Variants in LOXHD1 observed in about 807,000 individuals in gnomAD.
LOXHD1 encodes the protein lipoxygenase homology domain-containing protein 1.
A neutral mutation model predicts 248.2 loss-of-function variants in LOXHD1; 205 were observed. The observed-to-expected ratio is 0.83, with a 90% confidence interval of 0.74 to 0.93. The LOEUF (loss-of-function observed/expected upper bound fraction) is 0.93. Ranked by LOEUF, LOXHD1 falls within the 40% of genes least tolerant of loss-of-function variation. LOXHD1 has a pLI of 0.00. For missense variants in LOXHD1, 2,930 were observed against 2,971.6 expected (o/e 0.99, Z 0.33); for synonymous variants, 1,113 against 1,162.8 (o/e 0.96, Z 0.87).
intron 14 of LOXHD1, among the ~76,000 whole-genome samples, chr18:46,576,328 C>T (rs1243850352): frequency 6.6e-6 from 1 of 152,108 alleles, no homozygotes; most frequent in East Asian, 1.9e-4. Flanking sequence ...TCTTCCCCCA[C>T]ACCCCGCTTC....
chr18:46,545,003 C>T (rs2036735155), intron 23 of LOXHD1: 2 of 490,596 alleles, frequency 4.1e-6, no homozygotes, highest in East Asian at 5.8e-5. Context: ...AACAACTCTA[C>T]AATGCCTGGA....
chr18:46,599,634 C>G (rs1223417895), intron 8 of LOXHD1, among the ~76,000 whole-genome samples: 1 of 151,952 alleles, frequency 6.6e-6, no homozygotes, highest in Non-Finnish European at 1.5e-5. Context: ...CAAAGAACAT[C>G]ACAAACTATG....
chr18:46,524,567 C>A lies in LOXHD1; in HGVS notation c.4775G>T (p.Ser1592Ile). The change falls in exon 31 of 41, where the codon AGC becomes ATC. Residue 1592 changes from serine to isoleucine, a missense_variant. By Grantham distance (142) the Ser-to-Ile change is moderately radical. Transcript: ENST00000642948. ...GGCGATCTCCCAGAAGTCAGCAGGG[C>A]TGCTGCAGTTGCTGCTGCGGTCCCC... The part of the protein sequence containing the change: ...YTGDRSSNCS[S>I]PADFWEIALS... 6.4e-7 allele frequency: 1 copy of A among 1,551,754 alleles called. No homozygotes were observed. The highest frequency in any genetic ancestry group is 8.7e-7 in the Non-Finnish European group (1 of 1,147,006).
At chr18:46,573,854 G>A (rs2037803676) in intron 14 of LOXHD1, among the ~76,000 whole-genome samples, 1 of 152,162 alleles carries the variant, frequency 6.6e-6, no homozygotes, top group Non-Finnish European at 1.5e-5. Flanking sequence ...GGGCTTTGGT[G>A]CTGTGAATCT....
At chr18:46,635,336 C>CCCCCACAAT (rs1158089330) in intron 4 of LOXHD1, among the ~76,000 whole-genome samples, 1 of 152,054 alleles carries the variant, frequency 6.6e-6, no homozygotes, top group African/African-American at 2.4e-5. Flanking sequence ...TCCCAACTAA[C>CCCCCACAAT]CCCCACAATC....
intron 4 of LOXHD1, among the ~76,000 whole-genome samples, chr18:46,628,244 T>G (rs2038771613): frequency 6.6e-6 from 1 of 152,190 alleles, no homozygotes; most frequent in African/African-American, 2.4e-5. Flanking sequence ...GGGCCTCACT[T>G]AGAGTGGTTC....
intron 37 of LOXHD1, 69 bp from the exon 38 acceptor site, chr18:46,489,211 C>A: frequency 6.7e-7 from 1 of 1,488,064 alleles, no homozygotes; most frequent in Non-Finnish European, 9.2e-7. Flanking sequence ...CTTCTACATC[C>A]CCACAACCCA....
At chr18:46,590,176 G>T (rs984631205) in intron 12 of LOXHD1, among the ~76,000 whole-genome samples, 1 of 151,998 alleles carries the variant, frequency 6.6e-6, no homozygotes, top group East Asian at 1.9e-4. Context: ...AATTTGTTAG[G>T]CAAGCAGATC....
chr18:46,555,022 G>C (rs2037261419), intron 21 of LOXHD1: 1 of 380,776 alleles, frequency 2.6e-6, no homozygotes, highest in Admixed American at 3.0e-5. Flanking sequence ...TAATGAAGGG[G>C]GACAAGTACT....
In LOXHD1 at chr18:46,622,795, T is replaced by C. The variant is rs328186; in HGVS notation, c.512-4505A>G. ...TGGGCTGAGCCTGGCAGTCCACTGATAGAAGAGGCGGCGTGGTCTGGGGTT... is the reference window on the plus strand; with the variant it reads ...TGGGCTGAGCCTGGCAGTCCACTGACAGAAGAGGCGGCGTGGTCTGGGGTT... On this transcript the variant is annotated intron_variant, in intron 4 of 40. Transcript: ENST00000642948. Among the ~76,000 whole-genome samples, 1,083 of 152,342 alleles carry C rather than the reference T, an allele frequency of 7.1e-3. 4 individuals carry two copies. The highest frequency in any genetic ancestry group is 0.024 in the Middle Eastern group (7 of 294).
At chr18:46,560,044 C>CGCCTGCCGGGGG in intron 19 of LOXHD1, 39 bp downstream of exon 19, 1 of 1,245,524 alleles carries the variant, frequency 8.0e-7, no homozygotes. Flanking sequence ...AACTGTCTGG[C>CGCCTGCCGGGGG]CACTCCCTCC....
rs149777944 is a variant in LOXHD1, at chr18:46,567,497, G to A, written c.2245-1048C>T. On this transcript the variant is annotated intron_variant, in intron 16 of 40. Coordinates refer to ENST00000642948, the MANE Select transcript of LOXHD1 (RefSeq NM_001384474.1). ...TGTGTGCATGTCAAGGGACAGGGAA[G>A]AGTTTTGTTGTTCTTCTGTGGTGCC... is the stretch of plus-strand genomic sequence containing the variant. Among the ~76,000 whole-genome samples the A allele has an allele frequency of 4.0e-3, 613 of 152,340 alleles. 4 individuals carry two copies. The highest frequency in any genetic ancestry group is 3.6e-3 in the Non-Finnish European group (242 of 68,036).
intron 14 of LOXHD1, among the ~76,000 whole-genome samples, chr18:46,572,852 T>C (rs1450859246): frequency 4.0e-5 from 6 of 150,876 alleles, no homozygotes; most frequent in Admixed American, 2.6e-4. Flanking sequence ...TGAAACCCCG[T>C]CTCTACTGAA....
Position 46,657,103 on chromosome 18 carries a change from G to T in LOXHD1, c.-70C>A. ...CCTCCTCACACCTGCGGGAACCTGA[G>T]ACCTCCTCCCTGAGCTCTGGCGCCC... On this transcript the variant is annotated 5_prime_UTR_variant, in exon 1 of 41. Coordinates refer to ENST00000642948, the MANE Select transcript of LOXHD1 (RefSeq NM_001384474.1). 6.5e-7 allele frequency: 1 copy of T among 1,549,752 alleles called. No homozygotes were observed. Among genetic ancestry groups the T allele is most frequent in the Non-Finnish European group, 8.7e-7 (1 of 1,146,274 alleles).
chr18:46,571,277 G>C (rs545825834), intron 15 of LOXHD1, among the ~76,000 whole-genome samples: 1 of 152,056 alleles, frequency 6.6e-6, no homozygotes, highest in African/African-American at 2.4e-5. Context: ...AGACCAGCCT[G>C]GACAACATAA....
intron 6 of LOXHD1, among the ~76,000 whole-genome samples, chr18:46,605,076 T>G (rs562195287): frequency 6.6e-6 from 1 of 152,326 alleles, no homozygotes; most frequent in South Asian, 2.1e-4. Context: ...CAATCAAGCA[T>G]CTGGTAGCTT....
intron 1 of LOXHD1, among the ~76,000 whole-genome samples, chr18:46,653,339 TG>T (rs1244014188): frequency 6.6e-6 from 1 of 152,242 alleles, no homozygotes; most frequent in Admixed American, 6.5e-5. Flanking sequence ...AGGAGCATTC[TG>T]GGGGCTGGAA....
Position 46,604,101 on chromosome 18 carries a change from T to G in LOXHD1, c.883+5A>C, listed in dbSNP as rs1019362442. ...CAAAAGAGCCTCCCCTTTCTTCAAATCTACCTGTGGTCTCAGCTCCGCCCA... is the reference window on the plus strand; with the variant it reads ...CAAAAGAGCCTCCCCTTTCTTCAAAGCTACCTGTGGTCTCAGCTCCGCCCA... On this transcript the variant is annotated splice_donor_5th_base_variant and intron_variant, in intron 7 of 40. Coordinates refer to ENST00000642948, the MANE Select transcript of LOXHD1 (RefSeq NM_001384474.1). The G allele has an allele frequency of 2.6e-6, 4 of 1,551,602 alleles. No homozygotes were observed. In the East Asian group the frequency reaches 9.8e-5, roughly 38 times the overall value.
At chr18:46,497,496 G>C (rs1206835374) in intron 37 of LOXHD1, among the ~76,000 whole-genome samples, 1 of 152,108 alleles carries the variant, frequency 6.6e-6, no homozygotes, top group African/African-American at 2.4e-5. Flanking sequence ...GGCATTGGAG[G>C]ACTTAGTCAT....
Sources: gnomAD v4.1 joint callset for allele counts (sites outside exome capture counted in the v4.1 genomes callset) on GRCh38, gnomAD v4.1.1 for gene constraint, MANE v1.5 for transcripts, NCBI Gene and HGNC (gene_info 2026-07-23, HGNC 2026-07-21) for gene names.